The following ZBTB38 variants were observed in gnomAD, a reference collection of about 807,000 sequenced individuals.
The protein encoded by ZBTB38 is zinc finger and BTB domain-containing protein 38.
ZBTB38 carries 20 observed loss-of-function variants against 76.8 expected under a neutral mutation model. That is an observed-to-expected ratio of 0.26 (90% CI 0.18 to 0.38). The LOEUF (loss-of-function observed/expected upper bound fraction) is 0.38. ZBTB38 is among the 10% of genes least tolerant of loss of function. ZBTB38 has a pLI of 1.00. For synonymous variants in ZBTB38, 504 were observed against 544.2 expected (o/e 0.93, Z 1.03); for missense variants, 1,082 against 1,482.3 (o/e 0.73, Z 4.43).
intron 5 of ZBTB38, chr3:141,431,768 G>C (rs1388164290): frequency 6.6e-6 from 1 of 152,166 alleles, no homozygotes; most frequent in Non-Finnish European, 1.5e-5. Flanking sequence ...CACTCCAGCA[G>C]CTTCCCGATG....
intron 5 of ZBTB38, chr3:141,432,118 A>G: frequency 2.0e-6 from 2 of 985,496 alleles, no homozygotes; most frequent in Non-Finnish European, 1.2e-6. Context: ...AGCTCACTGA[A>G]GCAAAATATC....
chr3:141,362,655 G>GA (rs5853037), intron 1 of ZBTB38, among the ~76,000 whole-genome samples: 77,082 of 151,880 alleles, frequency 0.51, 22,273 homozygotes, highest in African/African-American at 0.8. Context: ...GAACTGGACA[G>GA]AGCGGAAGGA....
At position 141,414,407 on chromosome 3, in the gene ZBTB38, G is replaced by T. The variant is rs372443720; in HGVS notation, c.-1+10376G>T. On this transcript the variant is annotated intron_variant, in intron 5 of 5. Transcript: ENST00000321464. ...AGCGTTGGGCTTGAAGCTGTCTAAG[G>T]CCCAGCCCAGGGAAAAGTAAAGACC... 2.6e-4 allele frequency among the ~76,000 whole-genome samples: 40 copies of T among 152,284 alleles called. No individual in the cohort carries two copies. In the East Asian group the frequency reaches 6.4e-3, roughly 24 times the overall value.
At chr3:141,415,697 G>A (rs964851416) in intron 5 of ZBTB38, among the ~76,000 whole-genome samples, 3 of 152,184 alleles carry the variant, frequency 2.0e-5, no homozygotes, top group South Asian at 2.1e-4. Context: ...GGTCTTAGGC[G>A]GTGGGGTTGA....
chr3:141,416,874 G>A (rs1186162905), intron 5 of ZBTB38, among the ~76,000 whole-genome samples: 1 of 152,192 alleles, frequency 6.6e-6, no homozygotes, highest in Non-Finnish European at 1.5e-5. Context: ...TTCTCCCCCT[G>A]CAGCCCTCAC....
At position 141,442,762 on chromosome 3, in the gene ZBTB38, G is replaced by T. The variant is rs771177263; in HGVS notation, c.374G>T (p.Arg125Leu). The change falls in exon 6 of 6, where the codon CGC becomes CTC. Residue 125 changes from arginine (R) to leucine (L), a missense_variant. By Grantham distance (102) the Arg-to-Leu change is moderately radical. Transcript: ENST00000321464. The surrounding 1 kb of genome is among the most constrained non-coding windows in gnomAD (Gnocchi z 6.4). ...TCGTTCTTGGAAGACCTTACTGATC[G>T]CAACTTCTCAAATTCCCCGGGTCCC... ...GISFLEDLTDRNFSNSPGPYV... is the reference protein window; with the variant it reads ...GISFLEDLTDLNFSNSPGPYV... 1 of 1,614,104 alleles carries T rather than the reference G, an allele frequency of 6.2e-7. No individual in the cohort carries two copies. Among genetic ancestry groups the T allele is most frequent in the East Asian group, 2.2e-5 (1 of 44,890 alleles).
intron 5 of ZBTB38, among the ~76,000 whole-genome samples, chr3:141,439,948 G>A (rs1021571391): frequency 6.6e-6 from 1 of 152,190 alleles, no homozygotes; most frequent in Non-Finnish European, 1.5e-5. Context: ...AGCAAAGTAT[G>A]CTATTGATCT....
chr3:141,424,051 G>C lies in ZBTB38; in HGVS notation c.1-18338G>C, dbSNP rs142516232. Among the ~76,000 whole-genome samples, 1,215 of 152,268 alleles carry C rather than the reference G, an allele frequency of 8.0e-3. 19 individuals carry two copies. The highest frequency in any genetic ancestry group is 0.028 in the African/African-American group (1,172 of 41,560). On this transcript the variant is annotated intron_variant, in intron 5 of 5. Transcript: ENST00000321464. The stretch of plus-strand genomic sequence containing the variant: ...AATACACAGATAAAACCCTAGCTTT[G>C]TTTTTATTCATCAATTTATACCCAA...
chr3:141,432,140 A>G, intron 5 of ZBTB38: 2 of 985,498 alleles, frequency 2.0e-6, no homozygotes, highest in Non-Finnish European at 2.4e-6. Context: ...TTTGTCGGAA[A>G]ACTTTCCGCA....
intron 1 of ZBTB38, among the ~76,000 whole-genome samples, chr3:141,350,545 C>T (rs906407564): frequency 6.6e-6 from 1 of 152,306 alleles, no homozygotes. Flanking sequence ...TCTGGGTCTT[C>T]ACTGGATTAA....
Position 141,444,099 on chromosome 3 carries a change from A to G in ZBTB38, c.1711A>G (p.Met571Val), listed in dbSNP as rs368461753. ...YPYKLYRLLP[M>V]KCKRAPYKSY... Reference sequence around the variant, plus strand: ...GTATAAACTTTATAGGCTACTGCCTATGAAATGCAAGAGAGCCCCTTATAA... The same window carrying G: ...GTATAAACTTTATAGGCTACTGCCTGTGAAATGCAAGAGAGCCCCTTATAA... The change falls in exon 6 of 6, where the codon ATG becomes GTG. Residue 571 changes from methionine to valine, a missense_variant. Met to Val is a conservative substitution (Grantham distance 21). This residue lies in a region of ZBTB38 where 471 missense variants were observed against 581.0 expected (regional missense o/e 0.81). Transcript: ENST00000321464. The surrounding 1 kb of genome is among the most constrained non-coding windows in gnomAD (Gnocchi z 5.1). The G allele has an allele frequency of 8.1e-6, 13 of 1,613,926 alleles. No individual in the cohort carries two copies. Among genetic ancestry groups the G allele is most frequent in the Non-Finnish European group, 1.1e-5 (13 of 1,179,992 alleles).
intron 5 of ZBTB38, among the ~76,000 whole-genome samples, chr3:141,419,503 G>T (rs115904786): frequency 3.3e-5 from 5 of 152,302 alleles, no homozygotes; most frequent in African/African-American, 9.6e-5. Context: ...ATTTAAGTAC[G>T]TTAGAAGTTA....
upstream of ZBTB38, chr3:141,366,395 TA>T: frequency 6.6e-6 from 1 of 152,184 alleles, no homozygotes; most frequent in Admixed American, 6.5e-5. Flanking sequence ...AAGAAAAGAA[TA>T]AACAAGTCTT....
intron 5 of ZBTB38, among the ~76,000 whole-genome samples, chr3:141,434,960 C>T (rs1043102020): frequency 2.0e-4 from 30 of 151,956 alleles, no homozygotes; most frequent in Admixed American, 5.2e-4. Context: ...AGTGGGACCC[C>T]GTCTCTAATA....
At chr3:141,347,490 G>T (rs1388678679) in intron 1 of ZBTB38, among the ~76,000 whole-genome samples, 1 of 152,194 alleles carries the variant, frequency 6.6e-6, no homozygotes, top group Non-Finnish European at 1.5e-5. Context: ...ACCACGCTGT[G>T]TAAAATACAT....
chr3:141,427,897 G>A (rs2076703563), intron 5 of ZBTB38: 1 of 152,288 alleles, frequency 6.6e-6, no homozygotes, highest in South Asian at 2.1e-4. Context: ...CTTTAGATTA[G>A]CAAATCCTGG....
intron 4 of ZBTB38, among the ~76,000 whole-genome samples, chr3:141,397,712 G>A (rs1318151491): frequency 6.6e-6 from 1 of 152,204 alleles, no homozygotes; most frequent in Non-Finnish European, 1.5e-5. Flanking sequence ...AGGAGAGGAA[G>A]AGAGGTAGGG....
chr3:141,324,522 T>C (rs962777668), intron 1 of ZBTB38: 5 of 152,216 alleles, frequency 3.3e-5, no homozygotes, highest in African/African-American at 1.2e-4. Context: ...TCTCATGAAT[T>C]CCATTAGTGT....
chr3:141,374,514 G>A (rs1553763531), intron 2 of ZBTB38, among the ~76,000 whole-genome samples: 1 of 152,156 alleles, frequency 6.6e-6, no homozygotes, highest in Non-Finnish European at 1.5e-5. Flanking sequence ...AGTGGAGAGA[G>A]TGGACCCCTC....
Sources: allele counts gnomAD v4.1 joint callset (sites outside exome capture counted in the v4.1 genomes callset), GRCh38; gene constraint gnomAD v4.1.1; regional missense constraint gnomAD v4.1.1; non-coding constraint Gnocchi (gnomAD v3.1); transcripts MANE v1.5; gene names NCBI Gene and HGNC (gene_info 2026-07-23, HGNC 2026-07-21).